The following FGGY variants were observed in gnomAD, a reference collection of about 807,000 sequenced individuals.
FGGY encodes the protein FGGY carbohydrate kinase domain-containing protein.
FGGY carries 72 observed loss-of-function variants against 71.3 expected under a neutral mutation model. That is an observed-to-expected ratio of 1.01 (90% CI 0.84 to 1.23). The LOEUF is 1.23. Ranked by LOEUF, FGGY falls within the 50% of genes most tolerant of loss-of-function variation. The pLI is 0.00. For synonymous variants in FGGY, 251 were observed against 250.3 expected (o/e 1.00, Z -0.02); for missense variants, 668 against 682.3 (o/e 0.98, Z 0.23).
chr1:59,643,034 C>G (rs981703128), intron 11 of FGGY, among the ~76,000 whole-genome samples: 1 of 53,144 alleles, frequency 1.9e-5, no homozygotes, highest in Non-Finnish European at 3.9e-5. Context: ...GACTCCATCT[C>G]AAAAAAAAAA....
chr1:59,347,890 G>A (rs2052417610), intron 4 of FGGY, among the ~76,000 whole-genome samples: 3 of 152,186 alleles, frequency 2.0e-5, no homozygotes, highest in South Asian at 2.1e-4. Context: ...CAGGACATAG[G>A]TATGGGCAAG....
intron 13 of FGGY, 155 bp from the exon 14 acceptor site, chr1:59,673,884 A>C: frequency 1.6e-6 from 1 of 619,654 alleles, no homozygotes; most frequent in Non-Finnish European, 2.9e-6. Flanking sequence ...GAACCAAATA[A>C]TCCCAAGGAA....
chr1:59,534,040 G>A lies in FGGY; in HGVS notation c.800-20084G>A, dbSNP rs543978827. ...AGACGATCAAATTACTCCGAGCTACGGGAGGACATTCAAACCAAAGGCAAA... is the reference window on the plus strand; with the variant it reads ...AGACGATCAAATTACTCCGAGCTACAGGAGGACATTCAAACCAAAGGCAAA... On this transcript the variant is annotated intron_variant, in intron 7 of 15. Transcript: ENST00000303721. 3.9e-5 allele frequency among the ~76,000 whole-genome samples: 6 copies of A among 152,268 alleles called. No individual in the cohort carries two copies. The South Asian group carries it at 6.2e-4, about 16-fold the overall frequency.
chr1:59,342,046 G>A (rs757645362), intron 3 of FGGY, among the ~76,000 whole-genome samples: 2 of 152,172 alleles, frequency 1.3e-5, no homozygotes, highest in Non-Finnish European at 2.9e-5. Context: ...CTGATTTTGG[G>A]TGGAACTTTA....
intron 8 of FGGY, among the ~76,000 whole-genome samples, chr1:59,580,281 G>T (rs956147350): frequency 8.5e-5 from 13 of 152,080 alleles, no homozygotes; most frequent in South Asian, 8.3e-4. Flanking sequence ...AAAGTGCCTT[G>T]CATGTAATAG....
chr1:59,466,863 A>C (rs1268419846), intron 6 of FGGY, among the ~76,000 whole-genome samples: 1 of 152,208 alleles, frequency 6.6e-6, no homozygotes, highest in Non-Finnish European at 1.5e-5. Flanking sequence ...CAGGTGCTGG[A>C]GAGGATGTGG....
intron 8 of FGGY, among the ~76,000 whole-genome samples, chr1:59,567,802 T>C (rs143390430): frequency 2.0e-5 from 3 of 151,498 alleles, no homozygotes; most frequent in African/African-American, 7.3e-5. Context: ...GTCCTGAATA[T>C]TAAATCTGAT....
intron 14 of FGGY, among the ~76,000 whole-genome samples, chr1:59,682,869 G>A (rs1573122680): frequency 6.6e-6 from 1 of 152,198 alleles, no homozygotes; most frequent in Non-Finnish European, 1.5e-5. Flanking sequence ...CAAGGAACTT[G>A]CATCAGAATG....
In FGGY at chr1:59,567,982, C is replaced by A. The variant is rs180954160; in HGVS notation, c.903+13755C>A. Among the ~76,000 whole-genome samples, 44 of 151,776 alleles carry A rather than the reference C, an allele frequency of 2.9e-4. 1 individual carries two copies. Among genetic ancestry groups the A allele is most frequent in the African/African-American group, 1.1e-3 (44 of 41,368 alleles). On this transcript the variant is annotated intron_variant, in intron 8 of 15. Transcript: ENST00000303721. ...GTGTTCTAGCAGGTGCATCTGCACACGCTTGTTTGAATTCTATGGAACCAG... is the reference window on the plus strand; with the variant it reads ...GTGTTCTAGCAGGTGCATCTGCACAAGCTTGTTTGAATTCTATGGAACCAG...
At position 59,378,768 on chromosome 1, in the gene FGGY, G is replaced by T. The variant is rs747552529; in HGVS notation, c.485G>T (p.Trp162Leu). 2.5e-6 allele frequency: 4 copies of T among 1,613,236 alleles called. No homozygotes were observed. The East Asian group carries it at 8.9e-5, about 36-fold the overall frequency. The change falls in exon 5 of 16, where the codon TGG becomes TTG. Residue 162 changes from tryptophan to leucine, a missense_variant. Physicochemically the swap from Trp to Leu is moderately conservative, Grantham distance 61. Transcript: ENST00000303721. ...TGGCAGAACTTGAGAGAGATTTGCT[G>T]GGATAAGGCGGGACATTTCTTTGAT... ...WLKENLREIC[W>L]DKAGHFFDLP...
chr1:59,540,723 A>G (rs2095427166), intron 7 of FGGY, among the ~76,000 whole-genome samples: 1 of 152,222 alleles, frequency 6.6e-6, no homozygotes, highest in Non-Finnish European at 1.5e-5. Context: ...GCCCTGTGCT[A>G]GGCACTGGGA....
chr1:59,476,351 T>C (rs192832972), intron 6 of FGGY, among the ~76,000 whole-genome samples: 3 of 152,374 alleles, frequency 2.0e-5, no homozygotes, highest in East Asian at 1.9e-4. Context: ...GGTACTACTA[T>C]ATTCATTTTA....
chr1:59,757,979 C>T lies in FGGY; in HGVS notation c.1561C>T (p.Leu521=), dbSNP rs1365110050. The T allele has an allele frequency of 6.2e-7, 1 of 1,612,404 alleles. No individual in the cohort carries two copies. Among genetic ancestry groups the T allele is most frequent in the Non-Finnish European group, 8.5e-7 (1 of 1,178,922 alleles). The part of the protein sequence containing the change: ...SKVGKVVFPR[L]QDKKYYDKKY... ...AGTTGGGAAAGTTGTGTTCCCGAGA[C>T]TACAGGATAAAAAGTAAGTGTGTAT... The change falls in exon 15 of 16, where the codon CTA becomes TTA. Residue 521 remains leucine, a synonymous_variant. Coordinates refer to ENST00000303721, the MANE Select transcript of FGGY (RefSeq NM_018291.5).
At chr1:59,530,202 C>G (rs192526515) in intron 7 of FGGY, among the ~76,000 whole-genome samples, 1 of 152,278 alleles carries the variant, frequency 6.6e-6, no homozygotes, top group East Asian at 1.9e-4. Flanking sequence ...TGAGAAAACA[C>G]TTGCCATAGA....
At chr1:59,541,260 A>T (rs2095435903) in intron 7 of FGGY, among the ~76,000 whole-genome samples, 1 of 152,154 alleles carries the variant, frequency 6.6e-6, no homozygotes, top group Non-Finnish European at 1.5e-5. Context: ...ACAGCCCCAT[A>T]GAAAGATGAT....
At chr1:59,405,917 CTT>C (rs111511578) in intron 5 of FGGY, among the ~76,000 whole-genome samples, 1 of 144,884 alleles carries the variant, frequency 6.9e-6, no homozygotes, top group Admixed American at 6.9e-5. Flanking sequence ...TTTCCCCTAG[CTT>C]TTTTTTTTTT....
intron 11 of FGGY, among the ~76,000 whole-genome samples, chr1:59,654,029 A>G (rs1305033007): frequency 6.6e-6 from 1 of 152,176 alleles, no homozygotes; most frequent in Non-Finnish European, 1.5e-5. Context: ...AGTTCCTTTA[A>G]AGCAGGGCCT....
At chr1:59,603,095 A>T (rs1485772197) in intron 8 of FGGY, among the ~76,000 whole-genome samples, 6 of 152,246 alleles carry the variant, frequency 3.9e-5, no homozygotes, top group Non-Finnish European at 8.8e-5. Flanking sequence ...TTTAAACAAA[A>T]TACCAAAATG....
chr1:59,687,160 A>T (rs571111145), intron 14 of FGGY, among the ~76,000 whole-genome samples: 58 of 152,230 alleles, frequency 3.8e-4, no homozygotes, highest in Non-Finnish European at 6.9e-4. Context: ...GGCCATTGGG[A>T]GGTAATGGTG....
Sources: allele counts gnomAD v4.1 joint callset (sites outside exome capture counted in the v4.1 genomes callset), GRCh38; gene constraint gnomAD v4.1.1; transcripts MANE v1.5; gene names NCBI Gene and HGNC (gene_info 2026-07-23, HGNC 2026-07-21).